SYNPR: variants seen among roughly 807,000 people sequenced by gnomAD.
SYNPR encodes the protein synaptoporin.
In SYNPR, 23 loss-of-function variants were observed where a neutral mutation model predicts 32.9. The observed-to-expected ratio is 0.70, with a 90% confidence interval of 0.50 to 0.99. The LOEUF (loss-of-function observed/expected upper bound fraction) is 0.99, where lower values mean the gene tolerates loss of function less well. SYNPR is among the 50% of genes least tolerant of loss of function. The probability of loss-of-function intolerance (pLI) is 0.00; values close to 1 mark genes in which losing one functional copy is unlikely to be tolerated. For synonymous variants in SYNPR, 146 were observed against 135.9 expected (o/e 1.07, Z -0.52); for missense variants, 318 against 349.3 (o/e 0.91, Z 0.71).
upstream of SYNPR, chr3:63,278,276 T>C (rs2086594595): frequency 8.1e-6 from 4 of 495,930 alleles, no homozygotes; most frequent in South Asian, 1.3e-4. Flanking sequence ...CCTCCCCTGT[T>C]GTATCTACCC....
intron 2 of SYNPR, among the ~76,000 whole-genome samples, chr3:63,295,474 C>T (rs2086784697): frequency 6.6e-6 from 1 of 152,112 alleles, no homozygotes; most frequent in African/African-American, 2.4e-5. Flanking sequence ...AGCAGTTTAA[C>T]ACAGGAAGAA....
chr3:63,425,344 A>G (rs895448707), intron 2 of SYNPR, among the ~76,000 whole-genome samples: 3 of 152,186 alleles, frequency 2.0e-5, no homozygotes, highest in Non-Finnish European at 4.4e-5. Context: ...TTTTTCAGAC[A>G]ATAATAGACA....
In SYNPR at chr3:63,609,246, C is replaced by T. The variant is rs1559550537; in HGVS notation, c.530C>T (p.Ala177Val). Residue 177 changes from alanine (A) to valine (V), a missense_variant, in exon 5 of 6, where the codon GCT becomes GTT. Physicochemically the swap from Ala to Val is moderately conservative, Grantham distance 64. Coordinates refer to ENST00000478300, the MANE Select transcript of SYNPR (RefSeq NM_001130003.2). ...AAGGAAGTATTGCTACTAATGTCAG[C>T]TTGCAAACAGCCATCCAACAAATGC... ...DPKEVLLLMS[A>V]CKQPSNKCMA... is the part of the protein sequence containing the mutation. The T allele has an allele frequency of 6.2e-7, 1 of 1,607,228 alleles. No homozygotes were observed.
intron 2 of SYNPR, among the ~76,000 whole-genome samples, chr3:63,439,456 A>G (rs1460274718): frequency 6.6e-6 from 1 of 152,192 alleles, no homozygotes; most frequent in Non-Finnish European, 1.5e-5. Flanking sequence ...GTGGTAGCCG[A>G]CTGTCTGAGC....
rs528228327 is a variant in SYNPR at position 63,321,683 on chromosome 3, T to C, written c.84+42941T>C. 3.3e-3 allele frequency among the ~76,000 whole-genome samples: 500 copies of C among 152,224 alleles called. 2 individuals carry two copies. Among genetic ancestry groups the C allele is most frequent in the African/African-American group, 0.011 (469 of 41,564 alleles). On this transcript the variant is annotated intron_variant, in intron 2 of 5. Transcript: ENST00000478300. Reference sequence around the variant, plus strand: ...CAATATCACATAGAGACACAGATAATGCTCTCTGTTCCTCCTTTAGGGAGT... The same window carrying C: ...CAATATCACATAGAGACACAGATAACGCTCTCTGTTCCTCCTTTAGGGAGT...
chr3:63,298,157 A>C lies in SYNPR; in HGVS notation c.84+19415A>C, dbSNP rs142300264. On this transcript the variant is annotated intron_variant, in intron 2 of 5. Transcript: ENST00000478300. The stretch of plus-strand genomic sequence containing the variant: ...GGAGTTTGTTCTTTGTTTTAAAGTT[A>C]AACTATAAACTAAATTCCTCCAATT... 2.4e-3 allele frequency among the ~76,000 whole-genome samples: 367 copies of C among 152,252 alleles called. 2 individuals carry two copies. Among genetic ancestry groups the C allele is most frequent in the African/African-American group, 8.1e-3 (338 of 41,548 alleles).
intron 2 of SYNPR, among the ~76,000 whole-genome samples, chr3:63,416,473 A>G (rs1021119803): frequency 5.5e-5 from 8 of 145,484 alleles, no homozygotes; most frequent in African/African-American, 1.8e-4. Flanking sequence ...TGGAGGTTTC[A>G]GTGAGCTGAG....
At chr3:63,295,140 G>C (rs1221929819) in intron 2 of SYNPR, among the ~76,000 whole-genome samples, 1 of 152,042 alleles carries the variant, frequency 6.6e-6, no homozygotes, top group Non-Finnish European at 1.5e-5. Context: ...AACTGAGATA[G>C]CATTATGGAT....
At chr3:63,298,214 G>A (rs2086810367) in intron 2 of SYNPR, among the ~76,000 whole-genome samples, 1 of 152,146 alleles carries the variant, frequency 6.6e-6, no homozygotes, top group Non-Finnish European at 1.5e-5. Context: ...GAATGAGCAA[G>A]GGCAACTTGG....
At chr3:63,489,716 T>C (rs1701223060) in intron 3 of SYNPR, among the ~76,000 whole-genome samples, 1 of 152,182 alleles carries the variant, frequency 6.6e-6, no homozygotes, top group East Asian at 1.9e-4. Context: ...AATAAATACA[T>C]ATATATGCAT....
At chr3:63,492,955 G>A (rs1701283503) in intron 3 of SYNPR, among the ~76,000 whole-genome samples, 1 of 152,110 alleles carries the variant, frequency 6.6e-6, no homozygotes, top group African/African-American at 2.4e-5. Flanking sequence ...AATGGCAGAA[G>A]GAAACAGCCC....
chr3:63,418,679 CAG>C (rs2088572064), intron 2 of SYNPR, among the ~76,000 whole-genome samples: 1 of 152,166 alleles, frequency 6.6e-6, no homozygotes. Flanking sequence ...TGGCAGCAGG[CAG>C]AGAGTTTTGC....
At chr3:63,595,096 G>A (rs970895529) in intron 4 of SYNPR, among the ~76,000 whole-genome samples, 2 of 152,178 alleles carry the variant, frequency 1.3e-5, no homozygotes, top group African/African-American at 2.4e-5. Context: ...CCAAGTAAGT[G>A]TTTTGCAAAT....
intron 3 of SYNPR, among the ~76,000 whole-genome samples, chr3:63,499,030 T>C (rs1701429545): frequency 6.6e-6 from 1 of 151,740 alleles, no homozygotes; most frequent in East Asian, 1.9e-4. Flanking sequence ...TTAATAATTA[T>C]TTTAGCTGCT....
In SYNPR at chr3:63,609,281, C is replaced by T. The variant is rs1173802291; in HGVS notation, c.565C>T (p.His189Tyr). ...GCCATCCAACAAATGCATGGCTATCCACAGCCCTGTTATGTCAAGCTTAAA... is the reference window on the plus strand; with the variant it reads ...GCCATCCAACAAATGCATGGCTATCTACAGCCCTGTTATGTCAAGCTTAAA... ...KQPSNKCMAI[H>Y]SPVMSSLNTS... The change falls in exon 5 of 6, where the codon CAC (histidine) becomes TAC (tyrosine). Residue 189 changes from histidine (H) to tyrosine (Y), a missense_variant. His to Tyr is a moderately conservative substitution (Grantham distance 83). Transcript: ENST00000478300. 1.3e-6 allele frequency: 2 copies of T among 1,599,460 alleles called. No homozygotes were observed. Among genetic ancestry groups the T allele is most frequent in the Non-Finnish European group, 1.7e-6 (2 of 1,172,496 alleles).
intron 2 of SYNPR, among the ~76,000 whole-genome samples, chr3:63,408,278 AG>A (rs2088406185): frequency 2.9e-5 from 1 of 34,854 alleles, no homozygotes; most frequent in Non-Finnish European, 5.2e-5. Flanking sequence ...AGAAAGAAAG[AG>A]GAAGGAAGGA....
At chr3:63,368,583 A>C (rs548954843) in intron 2 of SYNPR, among the ~76,000 whole-genome samples, 119 of 152,270 alleles carry the variant, frequency 7.8e-4, no homozygotes, top group African/African-American at 2.8e-3. Flanking sequence ...AGGCCAGACG[A>C]GTGAATCTGG....
rs1158590703 is a variant in SYNPR, at chr3:63,553,589, A to T, written c.210-2954A>T. The stretch of plus-strand genomic sequence containing the variant: ...GTCTTGTCAGCATCTGTTGGTTTTG[A>T]CTTTTTAAGAATAGCCACCCTGACT... On this transcript the variant is annotated intron_variant, in intron 3 of 5. Coordinates refer to ENST00000478300, the MANE Select transcript of SYNPR (RefSeq NM_001130003.2). Among the ~76,000 whole-genome samples the T allele has an allele frequency of 7.2e-5, 11 of 152,214 alleles. No homozygotes were observed. In the East Asian group the frequency reaches 1.4e-3, roughly 19 times the overall value.
intron 2 of SYNPR, among the ~76,000 whole-genome samples, chr3:63,293,783 CTGTG>C (rs35599811): frequency 0.046 from 6,860 of 150,250 alleles, 226 homozygotes; most frequent in Middle Eastern, 0.093. Context: ...CATGGTTATA[CTGTG>C]TGTGTGTGTG....
Sources: gnomAD v4.1 joint callset for allele counts (sites outside exome capture counted in the v4.1 genomes callset) on GRCh38, gnomAD v4.1.1 for gene constraint, MANE v1.5 for transcripts, NCBI Gene and HGNC (gene_info 2026-07-23, HGNC 2026-07-21) for gene names.